The following SYT2 variants were observed in gnomAD, a reference collection of about 807,000 sequenced individuals.
SYT2 encodes the protein synaptotagmin-2.
SYT2 carries 15 observed loss-of-function variants against 39.9 expected under a neutral mutation model. The ratio of observed to expected loss-of-function variants is 0.38; its 90% confidence interval spans 0.25 to 0.58. The LOEUF (loss-of-function observed/expected upper bound fraction) is 0.58, where lower values mean the gene tolerates loss of function less well. SYT2 is among the 20% of genes least tolerant of loss of function. SYT2 has a pLI of 0.70. For synonymous variants in SYT2, 181 were observed against 204.5 expected (o/e 0.89, Z 0.98); for missense variants, 389 against 530.3 (o/e 0.73, Z 2.62).
intron 1 of SYT2, among the ~76,000 whole-genome samples, chr1:202,658,530 C>T (rs1326816604): frequency 2.0e-5 from 3 of 152,162 alleles, no homozygotes; most frequent in Non-Finnish European, 2.9e-5. Flanking sequence ...CAGGCTATGA[C>T]AGCAGCTGCC....
chr1:202,701,017 C>T lies in SYT2; in HGVS notation c.-18+9241G>A, dbSNP rs1254133835. On this transcript the variant is annotated intron_variant, in intron 1 of 8. Coordinates refer to ENST00000367268, the MANE Select transcript of SYT2 (RefSeq NM_177402.5). ...TATCATTTCGAAGATATTGGCTTGC[C>T]GAATTGTGAAGATCTTTCAAATATT... 3.3e-5 allele frequency among the ~76,000 whole-genome samples: 5 copies of T among 152,028 alleles called. No individual in the cohort carries two copies. In the South Asian group the frequency reaches 6.2e-4, roughly 19 times the overall value.
chr1:202,673,597 C>T (rs940060597), intron 1 of SYT2, among the ~76,000 whole-genome samples: 1 of 152,316 alleles, frequency 6.6e-6, no homozygotes, highest in African/African-American at 2.4e-5. Context: ...TGAAGGGACA[C>T]ATTACCCAGG....
At chr1:202,661,498 C>T (rs543886337) in intron 1 of SYT2, among the ~76,000 whole-genome samples, 100 of 152,310 alleles carry the variant, frequency 6.6e-4, no homozygotes, top group Non-Finnish European at 1.1e-3. Context: ...CATGTGAGGA[C>T]GGGCTAATCC....
intron 1 of SYT2, among the ~76,000 whole-genome samples, chr1:202,644,022 A>T (rs535896495): frequency 1.1e-4 from 17 of 152,284 alleles, no homozygotes; most frequent in African/African-American, 3.6e-4. Flanking sequence ...TCCTGAGTCA[A>T]GGGAGAGAAG....
intron 1 of SYT2, among the ~76,000 whole-genome samples, chr1:202,611,300 C>T (rs1690877990): frequency 1.3e-5 from 2 of 152,038 alleles, no homozygotes; most frequent in African/African-American, 4.8e-5. Context: ...ATATAATTTG[C>T]AAATATTTTC....
chr1:202,687,923 G>GAA (rs200542949), intron 1 of SYT2, among the ~76,000 whole-genome samples: 1 of 151,774 alleles, frequency 6.6e-6, no homozygotes, highest in South Asian at 2.1e-4. Context: ...ATAAGCAAGG[G>GAA]AAAAAAAATG....
intron 1 of SYT2, among the ~76,000 whole-genome samples, chr1:202,690,228 C>T (rs375397613): frequency 6.6e-5 from 10 of 152,162 alleles, no homozygotes; most frequent in East Asian, 5.8e-4. Flanking sequence ...GATACTGCCC[C>T]ACTGAACAGA....
At chr1:202,631,420 A>G (rs1423677421) in intron 1 of SYT2, among the ~76,000 whole-genome samples, 1 of 152,172 alleles carries the variant, frequency 6.6e-6, no homozygotes, top group African/African-American at 2.4e-5. Context: ...CTGCAGGTTC[A>G]CTTTGCACTT....
At position 202,596,637 on chromosome 1, in the gene SYT2, G is replaced by A. The variant is rs950109860; in HGVS notation, c.*120C>T. 8.1e-6 allele frequency: 8 copies of A among 989,382 alleles called. No individual in the cohort carries two copies. Among genetic ancestry groups the A allele is most frequent in the Non-Finnish European group, 1.2e-5 (8 of 682,788 alleles). 61.3% of individuals were successfully genotyped at this position (989,382 alleles called of 1,614,324 possible). Reference sequence around the variant, plus strand: ...AAAGAGAAAAACAAGGAAAAACAAGGACACAACCACCCAACAAATGAAAGA... The same window carrying A: ...AAAGAGAAAAACAAGGAAAAACAAGAACACAACCACCCAACAAATGAAAGA... On this transcript the variant is annotated 3_prime_UTR_variant, in exon 9 of 9. Transcript: ENST00000367268.
chr1:202,643,351 G>A (rs1691985693), intron 1 of SYT2: 1 of 152,594 alleles, frequency 6.6e-6, no homozygotes, highest in Non-Finnish European at 1.5e-5. Context: ...GGGGACAGCT[G>A]GGGTCCCGAA....
At chr1:202,640,893 A>C (rs1168539143) in intron 1 of SYT2, among the ~76,000 whole-genome samples, 4 of 152,176 alleles carry the variant, frequency 2.6e-5, no homozygotes, top group Non-Finnish European at 5.9e-5. Context: ...CTGCAAGTCC[A>C]CAATCTTTCC....
chr1:202,668,845 C>T (rs1389233492), intron 1 of SYT2, among the ~76,000 whole-genome samples: 1 of 152,200 alleles, frequency 6.6e-6, no homozygotes, highest in South Asian at 2.1e-4. Flanking sequence ...TGACCGATGG[C>T]CCCTGGGCAA....
intron 1 of SYT2, among the ~76,000 whole-genome samples, chr1:202,685,735 T>G (rs1376453238): frequency 6.6e-6 from 1 of 152,196 alleles, no homozygotes. Flanking sequence ...CAATCCACAC[T>G]GAAGCATATT....
intron 8 of SYT2, among the ~76,000 whole-genome samples, chr1:202,597,382 A>C (rs1558420397): frequency 6.6e-6 from 1 of 152,156 alleles, no homozygotes; most frequent in Non-Finnish European, 1.5e-5. Context: ...GCCAATCAGA[A>C]AAGGCTTCAC....
chr1:202,699,010 CTTTTTTTTTT>C (rs5780118), intron 1 of SYT2, among the ~76,000 whole-genome samples: 4 of 97,942 alleles, frequency 4.1e-5, no homozygotes, highest in Non-Finnish European at 7.9e-5. Flanking sequence ...ACCAAACTGT[CTTTTTTTTTT>C]TTTTTTTTTT....
Position 202,694,645 on chromosome 1 carries a change from G to A in SYT2, c.-18+15613C>T, listed in dbSNP as rs1017248277. ...CGGCACTGATAAAGGAAGGGGTTCCGCCCTGCTAAGCCCTATTATGTCCAG... is the reference window on the plus strand; with the variant it reads ...CGGCACTGATAAAGGAAGGGGTTCCACCCTGCTAAGCCCTATTATGTCCAG... On this transcript the variant is annotated intron_variant, in intron 1 of 8. Transcript: ENST00000367268. 5.3e-5 allele frequency among the ~76,000 whole-genome samples: 8 copies of A among 151,996 alleles called. No homozygotes were observed. In the East Asian group the frequency reaches 9.7e-4, roughly 18 times the overall value.
rs188440469 is a variant in SYT2 at position 202,645,257 on chromosome 1, C to T, written c.-17-39468G>A. Among the ~76,000 whole-genome samples, 51 of 152,326 alleles carry T rather than the reference C, an allele frequency of 3.3e-4. 1 individual carries two copies. Among genetic ancestry groups the T allele is most frequent in the Admixed American group, 2.3e-3 (35 of 15,310 alleles). On this transcript the variant is annotated intron_variant, in intron 1 of 8. Transcript: ENST00000367268. ...GTAACCTACCCCCACCTCGTCATCC[C>T]ACACTGAGGAGGGGACCTGTCACCT... is the stretch of plus-strand genomic sequence containing the variant.
chr1:202,652,356 G>A (rs1692209527), intron 1 of SYT2, among the ~76,000 whole-genome samples: 1 of 152,208 alleles, frequency 6.6e-6, no homozygotes, highest in African/African-American at 2.4e-5. Context: ...AGGGGTCAGT[G>A]GGTTCAGCCT....
Position 202,596,349 on chromosome 1 carries a change from C to A in SYT2, c.*408G>T. 5.4e-6 allele frequency: 1 copy of A among 185,744 alleles called. No homozygotes were observed. The highest frequency in any genetic ancestry group is 1.0e-4 in the South Asian group (1 of 9,852). The allele number at this position is 185,744 out of a possible 1,614,324, so 11.5% of individuals were successfully genotyped here. A position where few individuals can be genotyped will look rare whatever the true frequency, so the allele number is the denominator to read the frequency against. On this transcript the variant is annotated 3_prime_UTR_variant, in exon 9 of 9. Coordinates refer to ENST00000367268, the MANE Select transcript of SYT2 (RefSeq NM_177402.5). ...CACACACACACACGATCATTGGCCA[C>A]TGTGATGCCTTCCCTGTCAGGAAGC...
Sources: gnomAD v4.1 joint callset for allele counts (sites outside exome capture counted in the v4.1 genomes callset) on GRCh38, gnomAD v4.1.1 for gene constraint, MANE v1.5 for transcripts, NCBI Gene and HGNC (gene_info 2026-07-23, HGNC 2026-07-21) for gene names.